SETD2: variants seen among roughly 807,000 people sequenced by gnomAD.
SETD2 encodes the protein histone-lysine N-methyltransferase SETD2.
SETD2 carries 31 observed loss-of-function variants against 242.1 expected under a neutral mutation model. That is an observed-to-expected ratio of 0.13 (90% CI 0.10 to 0.17). The LOEUF is 0.17. SETD2 is among the 10% of genes least tolerant of loss of function. The pLI, the probability that SETD2 is intolerant of heterozygous loss-of-function variation, is 1.00. For synonymous variants in SETD2, 1,006 were observed against 1,066.5 expected (o/e 0.94, Z 1.11); for missense variants, 2,481 against 3,046.3 (o/e 0.81, Z 4.37).
At chr3:47,142,962 G>A (rs370156734) in intron 1 of SETD2, among the ~76,000 whole-genome samples, 4 of 151,968 alleles carry the variant, frequency 2.6e-5, no homozygotes, top group African/African-American at 9.7e-5. Flanking sequence ...GAGCCACTGC[G>A]CCTGGCTCAT....
At chr3:47,090,948 C>T (rs2041779488) in intron 9 of SETD2, among the ~76,000 whole-genome samples, 1 of 151,902 alleles carries the variant, frequency 6.6e-6, no homozygotes, top group Admixed American at 6.6e-5. Context: ...TCATATTGTA[C>T]CCAAAAATTC....
intron 3 of SETD2, among the ~76,000 whole-genome samples, chr3:47,117,202 A>C (rs2042888310): frequency 6.6e-6 from 1 of 151,624 alleles, no homozygotes; most frequent in South Asian, 2.1e-4. Context: ...TCAACCATTC[A>C]AAATAAAACA....
intron 13 of SETD2, among the ~76,000 whole-genome samples, chr3:47,064,186 T>C (rs2040458084): frequency 6.6e-6 from 1 of 152,212 alleles, no homozygotes; most frequent in Non-Finnish European, 1.5e-5. Flanking sequence ...TGGGTTGTTT[T>C]ACTCCCTCAG....
At chr3:47,127,319 C>T (rs2043358940) in intron 1 of SETD2, among the ~76,000 whole-genome samples, 1 of 150,326 alleles carries the variant, frequency 6.7e-6, no homozygotes, top group Non-Finnish European at 1.5e-5. Flanking sequence ...GATCACACCA[C>T]TGCACTCCAG....
chr3:47,095,247 T>C (rs773617711), intron 9 of SETD2, among the ~76,000 whole-genome samples: 1 of 152,152 alleles, frequency 6.6e-6, no homozygotes, highest in African/African-American at 2.4e-5. Flanking sequence ...GCAATTCTCC[T>C]GCCTCAGCCT....
intron 18 of SETD2, among the ~76,000 whole-genome samples, chr3:47,027,533 C>T (rs190296762): frequency 8.6e-4 from 130 of 151,546 alleles, no homozygotes; most frequent in Middle Eastern, 6.8e-3. Context: ...GCACATTGTG[C>T]ACATGTACCC....
At chr3:47,074,116 A>G (rs1388671578) in intron 12 of SETD2, among the ~76,000 whole-genome samples, 3 of 152,246 alleles carry the variant, frequency 2.0e-5, no homozygotes, top group Non-Finnish European at 4.4e-5. Context: ...TGGCATACCT[A>G]TACAGTAAAA....
chr3:47,122,871 T>C lies in SETD2; in HGVS notation c.1765A>G (p.Ser589Gly), dbSNP rs762131763. ...CCTTTTGAACAAGGTGTCTGTAAACTAAAAGAATGAGACTGTTTGATTTCT... is the reference window on the plus strand; with the variant it reads ...CCTTTTGAACAAGGTGTCTGTAAACCAAAAGAATGAGACTGTTTGATTTCT... ...NEEIKQSHSFSLQTPCSKGSE... is the reference protein window; with the variant it reads ...NEEIKQSHSFGLQTPCSKGSE... The change falls in exon 3 of 21, where the codon AGT becomes GGT. Residue 589 changes from serine (S) to glycine (G), a missense_variant. Ser to Gly is a moderately conservative substitution (Grantham distance 56). Transcript: ENST00000409792. The C allele has an allele frequency of 1.2e-6, 2 of 1,610,930 alleles. No individual in the cohort carries two copies. Among genetic ancestry groups the C allele is most frequent in the Non-Finnish European group, 1.7e-6 (2 of 1,178,734 alleles).
chr3:47,106,526 A>AAAAAAAAAC (rs1559726485), intron 5 of SETD2, among the ~76,000 whole-genome samples: 2 of 133,262 alleles, frequency 1.5e-5, no homozygotes, highest in African/African-American at 5.4e-5. Flanking sequence ...AAAAAAAAAA[A>AAAAAAAAAC]GGCAGCCGGG....
intron 7 of SETD2, 63 bp from the exon 8 acceptor site, chr3:47,101,618 GT>G: frequency 1.2e-6 from 1 of 833,144 alleles, no homozygotes; most frequent in Non-Finnish European, 2.0e-6. Context: ...GTGTGTGTGT[GT>G]GTGTGTGTGT....
intron 12 of SETD2, among the ~76,000 whole-genome samples, chr3:47,075,116 A>G (rs527766306): frequency 2.6e-5 from 4 of 151,572 alleles, no homozygotes; most frequent in Non-Finnish European, 1.5e-5. Flanking sequence ...CCTGGGCGAC[A>G]GAGCGAGACT....
intron 1 of SETD2, among the ~76,000 whole-genome samples, chr3:47,142,582 G>A (rs1559762648): frequency 6.6e-6 from 1 of 151,198 alleles, no homozygotes; most frequent in Admixed American, 6.6e-5. Context: ...TACTGTTAAG[G>A]AAAAAAAGCA....
rs150036725 is a variant in SETD2 at position 47,120,739 on chromosome 3, G to A, written c.3897C>T (p.Tyr1299=). 3.3e-4 allele frequency: 529 copies of A among 1,614,066 alleles called. No homozygotes were observed. The highest frequency in any genetic ancestry group is 4.1e-4 in the Non-Finnish European group (481 of 1,180,046). Reference sequence around the variant, plus strand: ...GATCCCAGTAACCATTGCCTTGCCAGTAATCACGTGTCCCACCATACTGTT... The same window carrying A: ...GATCCCAGTAACCATTGCCTTGCCAATAATCACGTGTCCCACCATACTGTT... ...NAEQYGGTRD[Y]WQGNGYWDPR... is the part of the protein sequence containing the mutation. Residue 1299 remains tyrosine (Y), a synonymous_variant, in exon 3 of 21, where the codon TAC becomes TAT. Coordinates refer to ENST00000409792, the MANE Select transcript of SETD2 (RefSeq NM_014159.7).
Position 47,095,952 on chromosome 3 carries a change from C to T in SETD2, c.5142+2003G>A, listed in dbSNP as rs75879395. On this transcript the variant is annotated intron_variant, in intron 9 of 20. Coordinates refer to ENST00000409792, the MANE Select transcript of SETD2 (RefSeq NM_014159.7). ...TTCTTTTTTAATAGAGATGAGGTCT[C>T]ACTATATTGCCTAGGATGGTCTTGC... 3.9e-5 allele frequency among the ~76,000 whole-genome samples: 6 copies of T among 152,170 alleles called. No individual in the cohort carries two copies. The East Asian group carries it at 1.2e-3, about 29-fold the overall frequency.
intron 12 of SETD2, among the ~76,000 whole-genome samples, chr3:47,082,459 T>C (rs1423021451): frequency 6.6e-6 from 1 of 152,186 alleles, no homozygotes; most frequent in East Asian, 1.9e-4. Flanking sequence ...TCCTGTGCTG[T>C]CACAAAGCAG....
At chr3:47,110,044 C>T (rs2107708279) in intron 5 of SETD2, among the ~76,000 whole-genome samples, 1 of 147,480 alleles carries the variant, frequency 6.8e-6, no homozygotes, top group Middle Eastern at 3.5e-3. Flanking sequence ...AAAGGATATA[C>T]AAAATATCGT....
chr3:47,020,992 T>C (rs1239553628), intron 18 of SETD2, among the ~76,000 whole-genome samples: 1 of 152,220 alleles, frequency 6.6e-6, no homozygotes, highest in African/African-American at 2.4e-5. Flanking sequence ...CATGTAGCTG[T>C]ATGGGGAGAT....
rs2107738643 is a variant in SETD2 at position 47,120,166 on chromosome 3, T to C, written c.4454+16A>G. On this transcript the variant is annotated intron_variant, in intron 3 of 20. Transcript: ENST00000409792. ...AAAGAGTTAAAATTTGTCAAACAAG[T>C]ATTAATTAGACTTACCTTTCTGTTA... 2 of 1,494,804 alleles carry C rather than the reference T, an allele frequency of 1.3e-6. No homozygotes were observed. The highest frequency in any genetic ancestry group is 1.8e-6 in the Non-Finnish European group (2 of 1,113,676). 92.6% of individuals were successfully genotyped at this position (1,494,804 alleles called of 1,614,324 possible). A position where few individuals can be genotyped will look rare whatever the true frequency, so the allele number is the denominator to read the frequency against.
At chr3:47,117,274 A>C (rs199813469) in intron 3 of SETD2, among the ~76,000 whole-genome samples, 5,454 of 139,486 alleles carry the variant, frequency 0.039, 257 homozygotes, top group East Asian at 0.13. Context: ...AAAAAAAAAA[A>C]AAAAAACAAA....
Sources: allele counts gnomAD v4.1 joint callset (sites outside exome capture counted in the v4.1 genomes callset), GRCh38; gene constraint gnomAD v4.1.1; transcripts MANE v1.5; gene names NCBI Gene and HGNC (gene_info 2026-07-23, HGNC 2026-07-21).